Variants in HIP1 observed in about 807,000 individuals in gnomAD.
HIP1 encodes huntingtin interacting protein 1.
Under a neutral mutation model 147.6 loss-of-function variants are expected in HIP1, and 65 were observed. The observed-to-expected ratio is 0.44, with a 90% CI of 0.36 to 0.54. HIP1 has a LOEUF of 0.54. HIP1 is among the 20% of genes least tolerant of loss of function. HIP1 has a pLI of 0.00. For missense variants in HIP1, 1,061 were observed against 1,299.6 expected, an observed-to-expected ratio of 0.82 and a Z score of 2.82; for synonymous variants, 479 against 504.0, an observed-to-expected ratio of 0.95 and a Z score of 0.67.
At chr7:75,674,428 T>G (rs1400825310) in intron 1 of HIP1, among the ~76,000 whole-genome samples, 1 of 152,216 alleles carries the variant, frequency 6.6e-6, no homozygotes, top group East Asian at 1.9e-4. Flanking sequence ...ATAAGATTCT[T>G]GGCTGGCAGT....
chr7:75,544,314 A>C (rs781897841), intron 27 of HIP1, among the ~76,000 whole-genome samples: 4 of 152,138 alleles, frequency 2.6e-5, no homozygotes, highest in Non-Finnish European at 5.9e-5. Flanking sequence ...TCCAAGTACT[A>C]TCTAACCTAG....
chr7:75,650,240 C>A (rs1554511759), intron 1 of HIP1, among the ~76,000 whole-genome samples: 2 of 152,078 alleles, frequency 1.3e-5, no homozygotes, highest in African/African-American at 4.8e-5. Flanking sequence ...CAGCCAAGTC[C>A]CTGAGTCAGC....
chr7:75,577,663 A>T (rs1022086352), intron 7 of HIP1, among the ~76,000 whole-genome samples: 9 of 152,220 alleles, frequency 5.9e-5, no homozygotes, highest in African/African-American at 1.9e-4. Context: ...AGAGATGAGT[A>T]GGTCAGCATC....
chr7:75,717,827 C>T (rs540168326), intron 1 of HIP1, among the ~76,000 whole-genome samples: 11 of 152,020 alleles, frequency 7.2e-5, no homozygotes, highest in African/African-American at 2.4e-4. Flanking sequence ...AAAAAGTAGC[C>T]AGGCATGATG....
intron 1 of HIP1, among the ~76,000 whole-genome samples, chr7:75,672,305 A>G (rs577798038): frequency 6.7e-6 from 1 of 149,582 alleles, no homozygotes; most frequent in Non-Finnish European, 1.5e-5. Context: ...CTCCCATTCT[A>G]TGAGATGTCT....
At chr7:75,626,535 G>T (rs1469469981) in intron 1 of HIP1, 1 of 152,154 alleles carries the variant, frequency 6.6e-6, no homozygotes, top group Non-Finnish European at 1.5e-5. Context: ...CCACAACCCG[G>T]TATGGAAGGT....
intron 1 of HIP1, among the ~76,000 whole-genome samples, chr7:75,678,340 CTTTTTTTTTTTT>C (rs782045169): frequency 1.2e-5 from 1 of 86,342 alleles, no homozygotes; most frequent in Non-Finnish European, 2.2e-5. Flanking sequence ...TTCCTTTATT[CTTTTTTTTTTTT>C]TTTTTTTTTG....
At chr7:75,668,140 T>C (rs1584936008) in intron 1 of HIP1, among the ~76,000 whole-genome samples, 3 of 152,318 alleles carry the variant, frequency 2.0e-5, no homozygotes, top group African/African-American at 4.8e-5. Context: ...TTCAAGCCTG[T>C]GCCCATAATG....
At chr7:75,565,812 A>G (rs1440316701) in intron 9 of HIP1, among the ~76,000 whole-genome samples, 1 of 149,634 alleles carries the variant, frequency 6.7e-6, no homozygotes, top group Non-Finnish European at 1.5e-5. Context: ...GCTCATTGCA[A>G]CCTCTGCCAC....
In HIP1 at chr7:75,717,676, C is replaced by CAAAAAAAAAAA. The variant is rs55982331; in HGVS notation, c.120+21114_120+21124dup. Reference sequence around the variant, plus strand: ...GTGAAACCTGTCTCTACTAAAAATACAAAAAAAAAAAAGACCAGGCGCGGT... The same window carrying CAAAAAAAAAAA: ...GTGAAACCTGTCTCTACTAAAAATACAAAAAAAAAAAAAAAAAAAAAAAGACCAGGCGCGGT... On this transcript the variant is annotated intron_variant, in intron 1 of 30. Transcript: ENST00000336926. Among the ~76,000 whole-genome samples the CAAAAAAAAAAA allele has an allele frequency of 1.1e-3, 130 of 117,702 alleles. 7 individuals are homozygous for CAAAAAAAAAAA. Among genetic ancestry groups the CAAAAAAAAAAA allele is most frequent in the African/African-American group, 3.4e-3 (98 of 29,006 alleles). 77.2% of individuals were successfully genotyped at this position (117,702 alleles called of 152,430 possible). A position where few individuals can be genotyped will look rare whatever the true frequency, so the allele number is the denominator to read the frequency against.
At chr7:75,670,635 G>A (rs1250812363) in intron 1 of HIP1, among the ~76,000 whole-genome samples, 4 of 151,892 alleles carry the variant, frequency 2.6e-5, no homozygotes, top group African/African-American at 7.3e-5. Flanking sequence ...TTTGAGACAG[G>A]GTCTTGTTCT....
intron 1 of HIP1, among the ~76,000 whole-genome samples, chr7:75,684,447 C>CAAAAA (rs59055803): frequency 4.6e-5 from 2 of 43,830 alleles, no homozygotes; most frequent in Non-Finnish European, 9.8e-5. Flanking sequence ...GACTCCGTCT[C>CAAAAA]AAAAAAAAAA....
At chr7:75,701,418 C>T (rs1748836786) in intron 1 of HIP1, among the ~76,000 whole-genome samples, 1 of 151,744 alleles carries the variant, frequency 6.6e-6, no homozygotes, top group Admixed American at 6.6e-5. Context: ...CAAACAAAAA[C>T]ACTACCAAAT....
intron 1 of HIP1, among the ~76,000 whole-genome samples, chr7:75,731,478 CAAA>C (rs1214036700): frequency 0.015 from 540 of 36,264 alleles, 4 homozygotes; most frequent in African/African-American, 0.054. Context: ...GACTCCAACT[CAAA>C]AAAAAAAAAA....
chr7:75,557,679 C>T lies in HIP1; in HGVS notation c.1556G>A (p.Arg519His), dbSNP rs1418876899. 13 of 1,613,650 alleles carry T rather than the reference C, an allele frequency of 8.1e-6. No individual in the cohort carries two copies. The highest frequency in any genetic ancestry group is 1.7e-5 in the Admixed American group (1 of 59,986). Reference protein sequence around the residue: ...EKKELEDSLERISDQGQRKTQ... With the variant: ...EKKELEDSLEHISDQGQRKTQ... ...CTTCCGCTGGCCCTGGTCACTGATG[C>T]GCTCCAACGAATCCTCCAGCTCTTT... Residue 519 changes from arginine (R) to histidine (H), a missense_variant, in exon 16 of 31, where the codon CGC becomes CAC. By Grantham distance (29) the Arg-to-His change is conservative (BLOSUM62 0). This residue lies in a region of HIP1 where 810 missense variants were observed against 946.8 expected (regional missense o/e 0.86). Coordinates refer to ENST00000336926, the MANE Select transcript of HIP1 (RefSeq NM_005338.7).
At chr7:75,686,730 T>C (rs57111998) in intron 1 of HIP1, among the ~76,000 whole-genome samples, 1 of 152,040 alleles carries the variant, frequency 6.6e-6, no homozygotes, top group African/African-American at 2.4e-5. Context: ...GGTGCAATCC[T>C]GGCTCACTGC....
Position 75,537,210 on chromosome 7 carries a change from C to A in HIP1, c.*962G>T. On this transcript the variant is annotated 3_prime_UTR_variant, in exon 31 of 31. Coordinates refer to ENST00000336926, the MANE Select transcript of HIP1 (RefSeq NM_005338.7). ...CGTCACGGGAACTGGGCTGTGTGAA[C>A]CCTCTTGTCCCTCTTTCTGTTGTCT... The A allele has an allele frequency of 4.3e-6, 1 of 233,004 alleles. No individual in the cohort carries two copies. The highest frequency in any genetic ancestry group is 6.1e-5 in the East Asian group (1 of 16,472). The allele number at this position is 233,004 out of a possible 1,614,324, so 14.4% of individuals were successfully genotyped here.
chr7:75,694,701 G>A (rs1320336483), intron 1 of HIP1, among the ~76,000 whole-genome samples: 12 of 150,470 alleles, frequency 8.0e-5, no homozygotes, highest in Non-Finnish European at 1.8e-4. Context: ...AAAGAAATGG[G>A]GTCTCACTAT....
At chr7:75,598,417 AC>A (rs1796839191) in intron 2 of HIP1, among the ~76,000 whole-genome samples, 1 of 141,496 alleles carries the variant, frequency 7.1e-6, no homozygotes, top group Non-Finnish European at 1.6e-5. Flanking sequence ...AAAAAAAAAA[AC>A]TCTCTTTTTC....
Sources: allele counts gnomAD v4.1 joint callset (sites outside exome capture counted in the v4.1 genomes callset), GRCh38; gene constraint gnomAD v4.1.1; regional missense constraint gnomAD v4.1.1; transcripts MANE v1.5; gene names NCBI Gene and HGNC (gene_info 2026-07-23, HGNC 2026-07-21).